OR5B3: variants seen among roughly 807,000 people sequenced by gnomAD.
OR5B3 encodes olfactory receptor family 5 subfamily B member 3.
For missense variants in OR5B3, 430 were observed against 375.4 expected (o/e 1.15, Z -1.20); for synonymous variants, 150 against 135.0 (o/e 1.11, Z -0.77).
chr11:58,402,694 C>T lies in OR5B3; in HGVS notation c.716G>A (p.Cys239Tyr). The change falls in exon 2 of 2, where the codon TGT becomes TAT. Residue 239 changes from cysteine (C) to tyrosine (Y), a missense_variant. Physicochemically the swap from Cys to Tyr is radical, Grantham distance 194. Coordinates refer to ENST00000641865, the MANE Select transcript of OR5B3 (RefSeq NM_001005469.2). ...GCCGACTGCAATGAAATGAGAGGCA[C>T]AGGTGGACAAAGGCTTCTGGTATAC... ...ASVYQKPLST[C>Y]ASHFIAVGIF... 1 of 1,613,850 alleles carries T rather than the reference C, an allele frequency of 6.2e-7. No homozygotes were observed. Among genetic ancestry groups the T allele is most frequent in the South Asian group, 1.1e-5 (1 of 91,082 alleles).
chr11:58,406,107 A>G (rs914887826), intron 1 of OR5B3, among the ~76,000 whole-genome samples: 2 of 152,168 alleles, frequency 1.3e-5, no homozygotes, highest in African/African-American at 4.8e-5. Flanking sequence ...CATTTAGCAT[A>G]CACTATGTTC....
chr11:58,403,427 C>A lies in OR5B3; in HGVS notation c.-18G>T, dbSNP rs756467952. 3 of 1,366,418 alleles carry A rather than the reference C, an allele frequency of 2.2e-6. No individual in the cohort carries two copies. In the East Asian group the frequency reaches 6.9e-5, roughly 31 times the overall value. 84.6% of individuals were successfully genotyped at this position (1,366,418 alleles called of 1,614,324 possible). On this transcript the variant is annotated 5_prime_UTR_variant, in exon 2 of 2. Transcript: ENST00000641865. Reference sequence around the variant, plus strand: ...TTTTCCATCACTGCTCTGGGGGACTCACAGGATGCTTGTAGCAATACAAAA... The same window carrying A: ...TTTTCCATCACTGCTCTGGGGGACTAACAGGATGCTTGTAGCAATACAAAA...
Position 58,402,793 on chromosome 11 carries a change from A to C in OR5B3, c.617T>G (p.Phe206Cys). 1.2e-6 allele frequency: 2 copies of C among 1,613,922 alleles called. No individual in the cohort carries two copies. Among genetic ancestry groups the C allele is most frequent in the Non-Finnish European group, 1.7e-6 (2 of 1,179,940 alleles). ...TATCAAGATAACCAGGAGAGCTATAAAGATATTGAAGCTCACAACATAAAT... is the reference window on the plus strand; with the variant it reads ...TATCAAGATAACCAGGAGAGCTATACAGATATTGAAGCTCACAACATAAAT... ...VLIYVVSFNI[F>C]IALLVILISY... The change falls in exon 2 of 2, where the codon TTT (phenylalanine) becomes TGT (cysteine). Residue 206 changes from phenylalanine (F) to cysteine (C), a missense_variant. Coordinates refer to ENST00000641865, the MANE Select transcript of OR5B3 (RefSeq NM_001005469.2).
At chr11:58,406,385 T>C (rs2119897897) in intron 1 of OR5B3, among the ~76,000 whole-genome samples, 1 of 152,292 alleles carries the variant, frequency 6.6e-6, no homozygotes, top group East Asian at 1.9e-4. Flanking sequence ...GATGCGCTAA[T>C]AGTAATGAGA....
chr11:58,402,475 C>T lies in OR5B3; in HGVS notation c.935G>A (p.Trp312Ter), dbSNP rs1855039708. 6.3e-7 allele frequency: 1 copy of T among 1,594,130 alleles called. No homozygotes were observed. Among genetic ancestry groups the T allele is most frequent in the South Asian group, 1.1e-5 (1 of 90,654 alleles). The change falls in exon 2 of 2, where the codon TGG becomes TAG. Residue 312 changes from tryptophan to a stop codon, truncating the protein, a stop_gained. Coordinates refer to ENST00000641865, the MANE Select transcript of OR5B3 (RefSeq NM_001005469.2). LOFTEE classifies it high-confidence loss of function. Reference sequence around the variant, plus strand: ...GTGCATCCCACAATGTTAAACTGACCATCCTACAGACAATTTTGCCTTCTC... The same window carrying T: ...GTGCATCCCACAATGTTAAACTGACTATCCTACAGACAATTTTGCCTTCTC... ...VVEKAKLSVG[W>*]SV
rs369678033 is a variant in OR5B3, at chr11:58,403,126, C to T, written c.284G>A (p.Cys95Tyr). Residue 95 changes from cysteine to tyrosine, a missense_variant, in exon 2 of 2, where the codon TGT becomes TAT. Transcript: ENST00000641865. ...TACAAAGATATACATTTGAGCAGCA[C>T]ATGCATTGTAAGAGATGACCTTGTC... ...IEDKVISYNA[C>Y]AAQMYIFVAF... The T allele has an allele frequency of 1.2e-6, 2 of 1,614,000 alleles. No homozygotes were observed.
chr11:58,402,549 G>A lies in OR5B3; in HGVS notation c.861C>T (p.Val287=), dbSNP rs572981565. 1 of 1,613,580 alleles carries A rather than the reference G, an allele frequency of 6.2e-7. No homozygotes were observed. Among genetic ancestry groups the A allele is most frequent in the South Asian group, 1.1e-5 (1 of 91,076 alleles). ...TCACTTCCTTGTTCCTCAGACTATA[G>A]ACCAGAGGGTTCAGCATGGGGATGA... ...TMVIPMLNPL[V]YSLRNKEVKS... is the part of the protein sequence containing the mutation. The change falls in exon 2 of 2, where the codon GTC becomes GTT. Residue 287 remains valine (V), a synonymous_variant. Coordinates refer to ENST00000641865, the MANE Select transcript of OR5B3 (RefSeq NM_001005469.2).
At chr11:58,404,810 T>G (rs2119894317) in intron 1 of OR5B3, among the ~76,000 whole-genome samples, 1 of 152,298 alleles carries the variant, frequency 6.6e-6, no homozygotes, top group Admixed American at 6.5e-5. Flanking sequence ...ACAGATCTGA[T>G]TTGGTGGCAA....
At position 58,403,052 on chromosome 11, in the gene OR5B3, G is replaced by C. The variant is rs753880371; in HGVS notation, c.358C>G (p.Arg120Gly). 1 of 1,614,054 alleles carries C rather than the reference G, an allele frequency of 6.2e-7. No individual in the cohort carries two copies. Among genetic ancestry groups the C allele is most frequent in the South Asian group, 1.1e-5 (1 of 91,084 alleles). The change falls in exon 2 of 2, where the codon CGC becomes GGC. Residue 120 changes from arginine (R) to glycine (G), a missense_variant. Coordinates refer to ENST00000641865, the MANE Select transcript of OR5B3 (RefSeq NM_001005469.2). The stretch of plus-strand genomic sequence containing the variant: ...AGGGGTTTGCACACTGCTGCATAGC[G>C]GTCATAGGCCATTGAGGCCAAGAGG... ...NYLLASMAYDRYAAVCKPLHY... is the reference protein window; with the variant it reads ...NYLLASMAYDGYAAVCKPLHY...
At chr11:58,405,764 C>CT (rs1274958998) in intron 1 of OR5B3, among the ~76,000 whole-genome samples, 42 of 151,414 alleles carry the variant, frequency 2.8e-4, no homozygotes, top group Non-Finnish European at 4.3e-4. Context: ...AAAAGTTGGA[C>CT]TTTTTTTTTA....
rs777323118 is a variant in OR5B3 at position 58,403,218 on chromosome 11, C to G, written c.192G>C (p.Leu64Phe). The G allele has an allele frequency of 6.2e-7, 1 of 1,613,790 alleles. No individual in the cohort carries two copies. Among genetic ancestry groups the G allele is most frequent in the Non-Finnish European group, 8.5e-7 (1 of 1,179,838 alleles). ...AAGAGTAGCAAAAGTCCACTAGAGA[C>G]AAGTTACTGAGAAAAAAGTACATGG... is the stretch of plus-strand genomic sequence containing the variant. ...HNPMYFFLSN[L>F]SLVDFCYSSA... Residue 64 changes from leucine to phenylalanine, a missense_variant, in exon 2 of 2, where the codon TTG (leucine) becomes TTC (phenylalanine). By Grantham distance (22) the Leu-to-Phe change is conservative. Coordinates refer to ENST00000641865, the MANE Select transcript of OR5B3 (RefSeq NM_001005469.2).
chr11:58,403,239 C>G lies in OR5B3; in HGVS notation c.171G>C (p.Met57Ile). 1 of 1,613,914 alleles carries G rather than the reference C, an allele frequency of 6.2e-7. No individual in the cohort carries two copies. The highest frequency in any genetic ancestry group is 8.5e-7 in the Non-Finnish European group (1 of 1,179,892). ...IFWDSCLHNP[M>I]YFFLSNLSLV... ...GAGACAAGTTACTGAGAAAAAAGTACATGGGATTGTGGAGACAGGAATCCC... is the reference window on the plus strand; with the variant it reads ...GAGACAAGTTACTGAGAAAAAAGTAGATGGGATTGTGGAGACAGGAATCCC... Residue 57 changes from methionine to isoleucine, a missense_variant, in exon 2 of 2, where the codon ATG (methionine) becomes ATC (isoleucine). By Grantham distance (10) the Met-to-Ile change is conservative. Transcript: ENST00000641865.
rs1279764399 is a variant in OR5B3, at chr11:58,403,312, T to C, written c.98A>G (p.Tyr33Cys). The C allele has an allele frequency of 6.2e-6, 10 of 1,612,234 alleles. No homozygotes were observed. Among genetic ancestry groups the C allele is most frequent in the African/African-American group, 4.0e-5 (3 of 74,816 alleles). Reference protein sequence around the residue: ...VPLFITFPFIYIITLVGNLGI... With the variant: ...VPLFITFPFICIITLVGNLGI... ...CAGGTTTCCAACCAGAGTGATAATA[T>C]AGATGAAGGGGAACGTTATAAAGAG... is the stretch of plus-strand genomic sequence containing the variant. Residue 33 changes from tyrosine (Y) to cysteine (C), a missense_variant, in exon 2 of 2, where the codon TAT (tyrosine) becomes TGT (cysteine). By Grantham distance (194) the Tyr-to-Cys change is radical (BLOSUM62 -2). Transcript: ENST00000641865.
chr11:58,403,221 G>A lies in OR5B3; in HGVS notation c.189C>T (p.Asn63=). 6.2e-7 allele frequency: 1 copy of A among 1,613,908 alleles called. No homozygotes were observed. Among genetic ancestry groups the A allele is most frequent in the Non-Finnish European group, 8.5e-7 (1 of 1,179,888 alleles). The part of the protein sequence containing the change: ...LHNPMYFFLS[N]LSLVDFCYSS... ...AGTAGCAAAAGTCCACTAGAGACAAGTTACTGAGAAAAAAGTACATGGGAT... is the reference window on the plus strand; with the variant it reads ...AGTAGCAAAAGTCCACTAGAGACAAATTACTGAGAAAAAAGTACATGGGAT... The change falls in exon 2 of 2, where the codon AAC becomes AAT. Residue 63 remains asparagine, a synonymous_variant. Transcript: ENST00000641865.
chr11:58,406,541 A>G (rs992783916), intron 1 of OR5B3, among the ~76,000 whole-genome samples: 7 of 151,900 alleles, frequency 4.6e-5, no homozygotes, highest in Non-Finnish European at 7.4e-5. Flanking sequence ...TAACAAACAG[A>G]TAAAATTACC....
chr11:58,403,051 C>T lies in OR5B3; in HGVS notation c.359G>A (p.Arg120His), dbSNP rs546163469. 20 of 1,614,038 alleles carry T rather than the reference C, an allele frequency of 1.2e-5. No individual in the cohort carries two copies. The highest frequency in any genetic ancestry group is 6.7e-5 in the Admixed American group (4 of 59,998). Reference protein sequence around the residue: ...NYLLASMAYDRYAAVCKPLHY... With the variant: ...NYLLASMAYDHYAAVCKPLHY... ...TAGGGGTTTGCACACTGCTGCATAGCGGTCATAGGCCATTGAGGCCAAGAG... is the reference window on the plus strand; with the variant it reads ...TAGGGGTTTGCACACTGCTGCATAGTGGTCATAGGCCATTGAGGCCAAGAG... Residue 120 changes from arginine (R) to histidine (H), a missense_variant, in exon 2 of 2, where the codon CGC becomes CAC. Transcript: ENST00000641865.
Position 58,403,269 on chromosome 11 carries a change from T to TATCA in OR5B3, c.137_140dup (p.Phe48AspfsTer17), listed in dbSNP as rs1565152252. ...GATTGTGGAGACAGGAATCCCAGAA[T>TATCA]ATCAATACAATAATTCCCAGGTTTC... On this transcript the variant is annotated frameshift_variant, in exon 2 of 2. Transcript: ENST00000641865. LOFTEE classifies it low-confidence loss of function (END_TRUNC). The TATCA allele has an allele frequency of 9.9e-6, 16 of 1,613,760 alleles. No homozygotes were observed. Among genetic ancestry groups the TATCA allele is most frequent in the Non-Finnish European group, 1.4e-5 (16 of 1,179,702 alleles).
chr11:58,402,669 G>C lies in OR5B3; in HGVS notation c.741C>G (p.Gly247=), dbSNP rs776567986. The stretch of plus-strand genomic sequence containing the variant: ...TGAAGATAATAGTCCCATAGAAGAT[G>C]CCGACTGCAATGAAATGAGAGGCAC... The part of the protein sequence containing the change: ...STCASHFIAV[G]IFYGTIIFMY... The change falls in exon 2 of 2, where the codon GGC becomes GGG. Residue 247 remains glycine, a synonymous_variant. Coordinates refer to ENST00000641865, the MANE Select transcript of OR5B3 (RefSeq NM_001005469.2). 150 of 1,613,788 alleles carry C rather than the reference G, an allele frequency of 9.3e-5. No individual in the cohort carries two copies. Among genetic ancestry groups the C allele is most frequent in the Non-Finnish European group, 1.2e-4 (147 of 1,179,898 alleles).
At position 58,402,474 on chromosome 11, in the gene OR5B3, C is replaced by A; in HGVS notation, c.936G>T (p.Trp312Cys). The A allele has an allele frequency of 1.9e-6, 3 of 1,593,016 alleles. No individual in the cohort carries two copies. The highest frequency in any genetic ancestry group is 2.6e-6 in the Non-Finnish European group (3 of 1,160,860). The stretch of plus-strand genomic sequence containing the variant: ...GGTGCATCCCACAATGTTAAACTGA[C>A]CATCCTACAGACAATTTTGCCTTCT... Reference protein sequence around the residue: ...VVEKAKLSVGWSV With the variant: ...VVEKAKLSVGCSV Residue 312 changes from tryptophan (W) to cysteine (C), a missense_variant, in exon 2 of 2, where the codon TGG becomes TGT. Trp to Cys is a radical substitution (Grantham distance 215). Transcript: ENST00000641865.
Sources: allele counts gnomAD v4.1 joint callset (sites outside exome capture counted in the v4.1 genomes callset), GRCh38; gene constraint gnomAD v4.1.1; transcripts MANE v1.5; gene names NCBI Gene and HGNC (gene_info 2026-07-23, HGNC 2026-07-21).